MAGI2: variants seen among roughly 807,000 people sequenced by gnomAD.
MAGI2 encodes the protein membrane-associated guanylate kinase, WW and PDZ domain-containing protein 2.
Under a neutral mutation model 133.3 loss-of-function variants are expected in MAGI2, and 35 were observed. The observed-to-expected ratio is 0.26, with a 90% CI of 0.20 to 0.35. The LOEUF is 0.35. Among genes scored for constraint, MAGI2 ranks in the 10% least tolerant of loss-of-function variants. MAGI2 has a pLI of 1.00. For synonymous variants in MAGI2, 729 were observed against 710.6 expected, an observed-to-expected ratio of 1.03 and a Z score of -0.41; for missense variants, 1,636 against 1,863.4, an observed-to-expected ratio of 0.88 and a Z score of 2.25.
chr7:78,517,190 G>A (rs553509458), intron 4 of MAGI2, among the ~76,000 whole-genome samples: 115 of 152,190 alleles, frequency 7.6e-4, no homozygotes, highest in Admixed American at 4.6e-3. Context: ...TAAGGTTTCC[G>A]GGGGATATAA....
intron 1 of MAGI2, among the ~76,000 whole-genome samples, chr7:79,383,378 A>G (rs1282804087): frequency 1.3e-5 from 2 of 151,628 alleles, no homozygotes; most frequent in Non-Finnish European, 3.0e-5. Flanking sequence ...AAACATTCAC[A>G]AGGAAAGTTT....
chr7:78,237,424 A>T (rs1790667202), intron 10 of MAGI2, among the ~76,000 whole-genome samples: 1 of 152,124 alleles, frequency 6.6e-6, no homozygotes. Flanking sequence ...GAGGGACTGT[A>T]GTTTAAAATT....
intron 2 of MAGI2, among the ~76,000 whole-genome samples, chr7:78,808,793 C>T (rs541266152): frequency 3.0e-4 from 46 of 152,284 alleles, no homozygotes; most frequent in Non-Finnish European, 1.5e-4. Flanking sequence ...GAGCACCCCA[C>T]TTCCACATCA....
At chr7:79,213,345 CACACAT>C (rs201843129) in intron 1 of MAGI2, among the ~76,000 whole-genome samples, 2,021 of 151,044 alleles carry the variant, frequency 0.013, 62 homozygotes, top group African/African-American at 0.047. Flanking sequence ...CACACACACA[CACACAT>C]ATATTTTTTC....
intron 1 of MAGI2, among the ~76,000 whole-genome samples, chr7:79,359,551 C>T (rs2129120684): frequency 6.6e-6 from 1 of 151,926 alleles, no homozygotes; most frequent in Non-Finnish European, 1.5e-5. Context: ...CATTGCTAAA[C>T]ATTTGAAAAT....
chr7:78,671,206 C>T (rs182567338), intron 2 of MAGI2, among the ~76,000 whole-genome samples: 1 of 151,700 alleles, frequency 6.6e-6, no homozygotes, highest in African/African-American at 2.4e-5. Flanking sequence ...GAAAACTGAA[C>T]AGCACTTTCC....
chr7:78,855,016 C>CA, intron 2 of MAGI2, among the ~76,000 whole-genome samples: 1 of 138,956 alleles, frequency 7.2e-6, no homozygotes, highest in Non-Finnish European at 1.6e-5. Flanking sequence ...CGACGCCCAG[C>CA]AAATTTTTCT....
intron 6 of MAGI2, among the ~76,000 whole-genome samples, chr7:78,478,605 G>C (rs1792024737): frequency 6.6e-6 from 1 of 151,110 alleles, no homozygotes; most frequent in South Asian, 2.1e-4. Context: ...GTCATATTTA[G>C]ACATCTGGTT....
chr7:78,187,748 T>C (rs1220510778), intron 12 of MAGI2, among the ~76,000 whole-genome samples: 2 of 152,184 alleles, frequency 1.3e-5, no homozygotes, highest in Admixed American at 6.6e-5. Flanking sequence ...CTTTTGTCTG[T>C]ATGAGGGATG....
intron 1 of MAGI2, among the ~76,000 whole-genome samples, chr7:79,082,627 T>A (rs923682279): frequency 6.6e-5 from 10 of 152,076 alleles, no homozygotes; most frequent in African/African-American, 2.4e-4. Context: ...AGTTATGAAA[T>A]TGGAATTTAT....
chr7:78,426,115 T>A (rs1235120886), intron 6 of MAGI2, among the ~76,000 whole-genome samples: 1 of 151,890 alleles, frequency 6.6e-6, no homozygotes, highest in Non-Finnish European at 1.5e-5. Flanking sequence ...AAATGAGGAA[T>A]CACAGAAGAG....
At chr7:78,402,550 C>T (rs1466692657) in intron 6 of MAGI2, among the ~76,000 whole-genome samples, 1 of 152,178 alleles carries the variant, frequency 6.6e-6, no homozygotes, top group Non-Finnish European at 1.5e-5. Flanking sequence ...GCTATACAGT[C>T]TTATTCCCAA....
At chr7:78,181,160 T>C (rs773918202) in intron 13 of MAGI2, among the ~76,000 whole-genome samples, 86 of 152,304 alleles carry the variant, frequency 5.6e-4, no homozygotes, top group Non-Finnish European at 1.0e-3. Flanking sequence ...TTTCAATTAC[T>C]GTATCAGGTT....
chr7:79,242,308 C>T (rs1330474265), intron 1 of MAGI2, among the ~76,000 whole-genome samples: 1 of 151,972 alleles, frequency 6.6e-6, no homozygotes, highest in Non-Finnish European at 1.5e-5. Context: ...TTTTATCTGT[C>T]AATTAAGAAG....
chr7:78,589,551 G>T (rs1156718516), intron 3 of MAGI2, among the ~76,000 whole-genome samples: 2 of 152,114 alleles, frequency 1.3e-5, no homozygotes, highest in African/African-American at 4.8e-5. Context: ...AAGATAATTT[G>T]TTGAATCTGC....
chr7:79,213,852 A>G lies in MAGI2; in HGVS notation c.302-206646T>C, dbSNP rs188545467. Among the ~76,000 whole-genome samples, 306 of 152,096 alleles carry G rather than the reference A, an allele frequency of 2.0e-3. 2 individuals carry two copies. The highest frequency in any genetic ancestry group is 5.2e-3 in the South Asian group (25 of 4,820). On this transcript the variant is annotated intron_variant, in intron 1 of 21. Coordinates refer to ENST00000354212, the MANE Select transcript of MAGI2 (RefSeq NM_012301.4). Reference sequence around the variant, plus strand: ...GTGTGTTAATCCCTTTCTGGAGTTTATTCTCTAAAGACTATCAAGTAGTAT... The same window carrying G: ...GTGTGTTAATCCCTTTCTGGAGTTTGTTCTCTAAAGACTATCAAGTAGTAT...
intron 2 of MAGI2, among the ~76,000 whole-genome samples, chr7:78,999,746 G>A (rs1462738561): frequency 1.3e-5 from 2 of 152,150 alleles, no homozygotes; most frequent in Admixed American, 1.3e-4. Context: ...TCCCAGGCCA[G>A]TTTATATGTC....
chr7:78,873,015 C>T (rs2151525929), intron 2 of MAGI2, among the ~76,000 whole-genome samples: 1 of 152,104 alleles, frequency 6.6e-6, no homozygotes, highest in South Asian at 2.1e-4. Flanking sequence ...TTATAAATTT[C>T]TATTTCAAAA....
intron 18 of MAGI2, among the ~76,000 whole-genome samples, chr7:78,128,815 T>A (rs1821255864): frequency 6.6e-6 from 1 of 152,206 alleles, no homozygotes; most frequent in African/African-American, 2.4e-5. Flanking sequence ...GGAGAGGCAT[T>A]CCTTTTATGA....
Sources: allele counts gnomAD v4.1 joint callset (sites outside exome capture counted in the v4.1 genomes callset), GRCh38; gene constraint gnomAD v4.1.1; transcripts MANE v1.5; gene names NCBI Gene and HGNC (gene_info 2026-07-23, HGNC 2026-07-21).